SH3GLB2: variants seen among roughly 807,000 people sequenced by gnomAD.
The protein encoded by SH3GLB2 is SH3 domain containing GRB2 like, endophilin B2, also known as endophilin-B2.
SH3GLB2 carries 24 observed loss-of-function variants against 48.0 expected under a neutral mutation model. That is an observed-to-expected ratio of 0.50 (90% CI 0.36 to 0.70). The LOEUF (loss-of-function observed/expected upper bound fraction) is 0.70, where lower values mean the gene tolerates loss of function less well. Among genes scored for constraint, SH3GLB2 ranks in the 30% least tolerant of loss-of-function variants. The probability of loss-of-function intolerance (pLI) is 0.00; values close to 1 mark genes in which losing one functional copy is unlikely to be tolerated. For synonymous variants in SH3GLB2, 227 were observed against 207.6 expected, an observed-to-expected ratio of 1.09 and a Z score of -0.80; for missense variants, 425 against 516.0, an observed-to-expected ratio of 0.82 and a Z score of 1.71.
chr9:129,017,600 A>T (rs1843507545), intron 3 of SH3GLB2, among the ~76,000 whole-genome samples: 1 of 151,930 alleles, frequency 6.6e-6, no homozygotes, highest in South Asian at 2.1e-4. Flanking sequence ...CCCCATCTCT[A>T]TTAAAAATAC....
chr9:129,022,353 C>T lies in SH3GLB2; in HGVS notation c.134G>A (p.Arg45Gln), dbSNP rs138289691. 3.3e-5 allele frequency: 54 copies of T among 1,613,978 alleles called. No individual in the cohort carries two copies. The highest frequency in any genetic ancestry group is 8.3e-5 in the Admixed American group (5 of 59,978). ...TGTCCAGTTCTTGGTGCTGTCTGCC[C>T]GGGCCAGAAGGTTTTCAAAGTGGGC... The part of the protein sequence containing the change: ...LDAHFENLLA[R>Q]ADSTKNWTEK... Residue 45 changes from arginine to glutamine, a missense_variant, in exon 2 of 11, where the codon CGG (arginine) becomes CAG (glutamine). Transcript: ENST00000372564.
At position 129,028,296 on chromosome 9, in the gene SH3GLB2, G is replaced by A. The variant is rs947818855; in HGVS notation, c.-142C>T. Reference sequence around the variant, plus strand: ...CGCCTGCCGGCCTGCCCGCCTGCCCGCCCGCCGCAGCCGCCGAGCCAGCCC... The same window carrying A: ...CGCCTGCCGGCCTGCCCGCCTGCCCACCCGCCGCAGCCGCCGAGCCAGCCC... On this transcript the variant is annotated 5_prime_UTR_variant, in exon 1 of 11. Coordinates refer to ENST00000372564, the MANE Select transcript of SH3GLB2 (RefSeq NM_020145.4). 1.1e-3 allele frequency: 487 copies of A among 424,980 alleles called. No individual in the cohort carries two copies. The highest frequency in any genetic ancestry group is 1.5e-3 in the Non-Finnish European group (475 of 319,872). The allele number at this position is 424,980 out of a possible 1,614,324, so 26.3% of individuals were successfully genotyped here.
At chr9:129,012,598 C>A in intron 5 of SH3GLB2, 1 of 424,022 alleles carries the variant, frequency 2.4e-6, no homozygotes, top group Non-Finnish European at 4.2e-6. Flanking sequence ...TGGGCTCTCC[C>A]CTGCCAGGGG....
rs59029191 is a variant in SH3GLB2 at position 129,018,070 on chromosome 9, C to T, written c.334+3021G>A. On this transcript the variant is annotated intron_variant, in intron 3 of 10. Transcript: ENST00000372564. ...TGGCACCATTGCACTCCAGCCTGGG[C>T]GACAGAGCGAGACTCCATCTCAAAA... 9.3e-4 allele frequency among the ~76,000 whole-genome samples: 141 copies of T among 151,718 alleles called. 1 individual carries two copies. The highest frequency in any genetic ancestry group is 8.2e-3 in the East Asian group (42 of 5,148).
At chr9:129,019,041 G>C (rs1268477204) in intron 3 of SH3GLB2, among the ~76,000 whole-genome samples, 2 of 151,890 alleles carry the variant, frequency 1.3e-5, no homozygotes, top group Non-Finnish European at 2.9e-5. Flanking sequence ...GTGAAAATGG[G>C]GCTTGACAAT....
intron 5 of SH3GLB2, chr9:129,012,827 T>C: frequency 1.5e-6 from 1 of 662,924 alleles, no homozygotes; most frequent in Non-Finnish European, 2.5e-6. Context: ...AAAAGCTGAC[T>C]CACAGGCCCC....
intron 2 of SH3GLB2, 121 bp from the exon 3 acceptor site, chr9:129,021,340 C>T (rs576714424): frequency 1.4e-5 from 17 of 1,255,552 alleles, no homozygotes; most frequent in South Asian, 6.4e-5. Flanking sequence ...TTCCAGAATA[C>T]GCTCTTGCTC....
intron 9 of SH3GLB2, 56 bp downstream of exon 9, chr9:129,009,715 G>T: frequency 6.6e-7 from 1 of 1,514,846 alleles, no homozygotes; most frequent in South Asian, 1.2e-5. Flanking sequence ...TGCTGCCCAC[G>T]GACAGGGTAT....
chr9:129,024,343 C>T (rs1455777494), intron 1 of SH3GLB2, among the ~76,000 whole-genome samples: 1 of 151,300 alleles, frequency 6.6e-6, no homozygotes, highest in Non-Finnish European at 1.5e-5. Flanking sequence ...AGGCGGATCA[C>T]GAGGTCAGGA....
intron 3 of SH3GLB2, among the ~76,000 whole-genome samples, chr9:129,019,507 A>C (rs989698974): frequency 4.0e-5 from 6 of 151,842 alleles, no homozygotes; most frequent in African/African-American, 4.9e-5. Flanking sequence ...GGAGATCGAG[A>C]CCTGCCTGGA....
At chr9:129,015,776 G>A (rs940720925) in intron 3 of SH3GLB2, 4 of 269,468 alleles carry the variant, frequency 1.5e-5, no homozygotes, top group Non-Finnish European at 3.1e-5. Flanking sequence ...CAGGCGGAAG[G>A]ATCATTTGAA....
intron 8 of SH3GLB2, 55 bp downstream of exon 8, chr9:129,010,065 C>T: frequency 3.9e-6 from 6 of 1,558,200 alleles, no homozygotes; most frequent in Non-Finnish European, 5.3e-6. Context: ...GTGGTTCAGG[C>T]ACACCTGGTG....
At chr9:129,016,246 G>A (rs1190442206) in intron 3 of SH3GLB2, among the ~76,000 whole-genome samples, 1 of 150,064 alleles carries the variant, frequency 6.7e-6, no homozygotes, top group Non-Finnish European at 1.5e-5. Flanking sequence ...GGGAGACTGA[G>A]GCAGGAGAAT....
chr9:129,027,341 CTG>C (rs1209277077), intron 1 of SH3GLB2, among the ~76,000 whole-genome samples: 1 of 152,198 alleles, frequency 6.6e-6, no homozygotes, highest in African/African-American at 2.4e-5. Flanking sequence ...GACTGAGAAA[CTG>C]AGGCCCAGTG....
intron 1 of SH3GLB2, among the ~76,000 whole-genome samples, chr9:129,023,158 G>C (rs561514428): frequency 6.6e-6 from 1 of 152,146 alleles, no homozygotes; most frequent in African/African-American, 2.4e-5. Context: ...GTGCAGAGAC[G>C]TCTGGGAAGG....
chr9:129,012,202 G>A (rs1213073022), intron 6 of SH3GLB2, 34 bp downstream of exon 6: 1 of 1,110,116 alleles, frequency 9.0e-7, no homozygotes, highest in African/African-American at 1.7e-5. Flanking sequence ...GAGAGAGGAG[G>A]ACGAGGGGTG....
intron 1 of SH3GLB2, among the ~76,000 whole-genome samples, chr9:129,024,977 A>T (rs1054169360): frequency 6.6e-6 from 1 of 151,780 alleles, no homozygotes; most frequent in South Asian, 2.1e-4. Flanking sequence ...CTCAAAAAAA[A>T]AAAAAGACAG....
chr9:129,012,780 C>T (rs760603139), intron 5 of SH3GLB2: 3 of 587,146 alleles, frequency 5.1e-6, no homozygotes, highest in African/African-American at 3.7e-5. Flanking sequence ...CAGATGGATG[C>T]ATGGGCAGAC....
In SH3GLB2 at chr9:129,012,883, G is replaced by A; in HGVS notation, c.562-585C>T. On this transcript the variant is annotated intron_variant, in intron 5 of 10. Coordinates refer to ENST00000372564, the MANE Select transcript of SH3GLB2 (RefSeq NM_020145.4). ...AAACCAGAGGCCCTGCACAGTAGAG[G>A]CTCTGGCGGGGAGACCAGCTGCTTG... is the stretch of plus-strand genomic sequence containing the variant. 2.4e-6 allele frequency: 3 copies of A among 1,230,118 alleles called. 1 individual carries two copies. The South Asian group carries it at 4.0e-5, about 16-fold the overall frequency. 76.2% of individuals were successfully genotyped at this position (1,230,118 alleles called of 1,614,324 possible). A position where few individuals can be genotyped will look rare whatever the true frequency, so the allele number is the denominator to read the frequency against.
Sources: allele counts gnomAD v4.1 joint callset (sites outside exome capture counted in the v4.1 genomes callset), GRCh38; gene constraint gnomAD v4.1.1; transcripts MANE v1.5; gene names NCBI Gene and HGNC (gene_info 2026-07-23, HGNC 2026-07-21).